Variants in SPAG16 observed in about 807,000 individuals in gnomAD.
SPAG16 encodes sperm-associated antigen 16 protein.
Under a neutral mutation model 80.4 loss-of-function variants are expected in SPAG16, and 86 were observed. That is an observed-to-expected ratio of 1.07 (90% CI 0.90 to 1.28). SPAG16 has a LOEUF of 1.28. Among genes scored for constraint, SPAG16 ranks in the 50% most tolerant of loss-of-function variants. The pLI, the probability that SPAG16 is intolerant of heterozygous loss-of-function variation, is 0.00. For synonymous variants in SPAG16, 294 were observed against 265.9 expected (o/e 1.11, Z -1.03); for missense variants, 870 against 765.3 (o/e 1.14, Z -1.61).
intron 15 of SPAG16, among the ~76,000 whole-genome samples, chr2:214,352,184 A>G (rs1392447590): frequency 2.0e-5 from 3 of 152,194 alleles, no homozygotes; most frequent in Non-Finnish European, 4.4e-5. Flanking sequence ...CACATTGGGC[A>G]TTATAATTTC....
intron 9 of SPAG16, among the ~76,000 whole-genome samples, chr2:213,382,465 G>A (rs2067222166): frequency 6.6e-6 from 1 of 152,084 alleles, no homozygotes; most frequent in South Asian, 2.1e-4. Flanking sequence ...CCTCTGTTGG[G>A]GCTTGTTATA....
At chr2:214,407,751 A>G (rs905794571) in intron 15 of SPAG16, among the ~76,000 whole-genome samples, 1 of 152,142 alleles carries the variant, frequency 6.6e-6, no homozygotes, top group Admixed American at 6.5e-5. Context: ...ATTGGATACT[A>G]AAGTACTAAT....
chr2:213,678,380 A>G (rs1388339381), intron 10 of SPAG16, among the ~76,000 whole-genome samples: 1 of 152,230 alleles, frequency 6.6e-6, no homozygotes, highest in Admixed American at 6.5e-5. Flanking sequence ...AGCAAGACTA[A>G]TAAGGAAAAA....
At chr2:214,283,503 A>G (rs923670557) in intron 15 of SPAG16, among the ~76,000 whole-genome samples, 2 of 152,140 alleles carry the variant, frequency 1.3e-5, no homozygotes, top group Admixed American at 1.3e-4. Flanking sequence ...GTTTGATGCT[A>G]TTTTTACCCC....
chr2:213,913,056 A>G (rs1257208107), intron 11 of SPAG16, among the ~76,000 whole-genome samples: 1 of 152,162 alleles, frequency 6.6e-6, no homozygotes, highest in African/African-American at 2.4e-5. Context: ...TTTATGTCAC[A>G]TACATGTATT....
chr2:213,996,103 AGGAATTACAAAGCCTGT>A (rs2046503374), intron 12 of SPAG16, among the ~76,000 whole-genome samples: 2 of 152,218 alleles, frequency 1.3e-5, no homozygotes, highest in Admixed American at 1.3e-4. Flanking sequence ...TCCAGAGGCA[AGGAATTACAAAGCCTGT>A]TTCCCTGCTT....
chr2:213,441,882 C>G (rs2070984381), intron 9 of SPAG16, among the ~76,000 whole-genome samples: 3 of 152,292 alleles, frequency 2.0e-5, no homozygotes, highest in South Asian at 2.1e-4. Flanking sequence ...GGTGGTGGCT[C>G]TCATCTGTAA....
At chr2:214,189,987 T>A (rs1257976285) in intron 15 of SPAG16, among the ~76,000 whole-genome samples, 1 of 152,108 alleles carries the variant, frequency 6.6e-6, no homozygotes, top group East Asian at 1.9e-4. Flanking sequence ...ACTGAACCAG[T>A]CTCCAGAATG....
At chr2:213,810,760 C>T (rs2072087815) in intron 10 of SPAG16, among the ~76,000 whole-genome samples, 1 of 152,162 alleles carries the variant, frequency 6.6e-6, no homozygotes, top group African/African-American at 2.4e-5. Flanking sequence ...GAACTAACTA[C>T]CTAGCTCAAA....
chr2:213,699,841 T>G (rs943750145), intron 10 of SPAG16, among the ~76,000 whole-genome samples: 1 of 152,200 alleles, frequency 6.6e-6, no homozygotes, highest in Non-Finnish European at 1.5e-5. Flanking sequence ...TGCTGTTTGA[T>G]TACATTTGTC....
At chr2:213,586,560 C>T (rs563199296) in intron 10 of SPAG16, among the ~76,000 whole-genome samples, 1 of 152,368 alleles carries the variant, frequency 6.6e-6, no homozygotes, top group South Asian at 2.1e-4. Flanking sequence ...GTTCTTCTTA[C>T]ATGCAAAATA....
chr2:213,297,774 G>T (rs1474217867), intron 3 of SPAG16, among the ~76,000 whole-genome samples: 11 of 152,094 alleles, frequency 7.2e-5, no homozygotes, highest in Admixed American at 6.5e-4. Flanking sequence ...TGAGGCTTAT[G>T]AACTAATTAT....
At chr2:214,283,248 C>T (rs1012312012) in intron 15 of SPAG16, among the ~76,000 whole-genome samples, 2 of 151,974 alleles carry the variant, frequency 1.3e-5, no homozygotes, top group African/African-American at 2.4e-5. Context: ...ATCATAATAA[C>T]GTGTGTGAAC....
intron 15 of SPAG16, among the ~76,000 whole-genome samples, chr2:214,392,698 G>GA (rs34299318): frequency 0.72 from 104,761 of 144,680 alleles, 38,459 homozygotes; most frequent in Middle Eastern, 0.82. Context: ...ACCTACAAAG[G>GA]AAAAAAAAAA....
chr2:214,357,474 A>C (rs1698894374), intron 15 of SPAG16, among the ~76,000 whole-genome samples: 1 of 151,784 alleles, frequency 6.6e-6, no homozygotes, highest in Non-Finnish European at 1.5e-5. Flanking sequence ...AGCTATGTCT[A>C]ATCTGCTCTA....
At chr2:214,301,627 G>A (rs1472100912) in intron 15 of SPAG16, among the ~76,000 whole-genome samples, 1 of 152,040 alleles carries the variant, frequency 6.6e-6, no homozygotes, top group African/African-American at 2.4e-5. Flanking sequence ...TCAGTTGTAT[G>A]TCACCTTTAT....
At chr2:214,295,101 C>G (rs1054226295) in intron 15 of SPAG16, among the ~76,000 whole-genome samples, 1 of 152,160 alleles carries the variant, frequency 6.6e-6, no homozygotes, top group Non-Finnish European at 1.5e-5. Flanking sequence ...TAGTACCCAG[C>G]TCTATCATCA....
At chr2:214,078,533 C>CAA (rs35101370) in intron 13 of SPAG16, among the ~76,000 whole-genome samples, 66 of 117,116 alleles carry the variant, frequency 5.6e-4, no homozygotes, top group African/African-American at 1.9e-3. Context: ...GAGCCTGTCT[C>CAA]AAAAAAAAAA....
intron 10 of SPAG16, among the ~76,000 whole-genome samples, chr2:213,682,364 A>G (rs1022741072): frequency 6.6e-6 from 1 of 152,216 alleles, no homozygotes; most frequent in South Asian, 2.1e-4. Flanking sequence ...AACCCATTCA[A>G]TCATATACAC....
Sources: gnomAD v4.1 joint callset for allele counts (sites outside exome capture counted in the v4.1 genomes callset) on GRCh38, gnomAD v4.1.1 for gene constraint, MANE v1.5 for transcripts, NCBI Gene and HGNC (gene_info 2026-07-23, HGNC 2026-07-21) for gene names.